AGAP1: variants seen among roughly 807,000 people sequenced by gnomAD.
AGAP1 encodes the protein ArfGAP with GTPase domain, ankyrin repeat and PH domain 1.
In AGAP1, 29 loss-of-function variants were observed where a neutral mutation model predicts 105.3. The observed-to-expected ratio is 0.28, with a 90% CI of 0.21 to 0.38. The LOEUF (loss-of-function observed/expected upper bound fraction) is 0.38, where lower values mean the gene tolerates loss of function less well. Among genes scored for constraint, AGAP1 ranks in the 10% least tolerant of loss-of-function variants. AGAP1 has a pLI of 1.00. For synonymous variants in AGAP1, 509 were observed against 485.9 expected (o/e 1.05, Z -0.63); for missense variants, 998 against 1,165.1 (o/e 0.86, Z 2.09).
intron 1 of AGAP1, among the ~76,000 whole-genome samples, chr2:235,632,452 C>G (rs1249765386): frequency 3.3e-5 from 5 of 152,196 alleles, no homozygotes; most frequent in African/African-American, 9.7e-5. Context: ...ATTACGCTTG[C>G]AGTAGTCAGC....
At chr2:235,758,058 G>T (rs1954078474) in intron 6 of AGAP1, among the ~76,000 whole-genome samples, 1 of 152,016 alleles carries the variant, frequency 6.6e-6, no homozygotes, top group African/African-American at 2.4e-5. Context: ...CATTGTCGGG[G>T]TGGCCTGTTT....
chr2:235,890,137 G>T (rs866010082), intron 10 of AGAP1, among the ~76,000 whole-genome samples: 2 of 150,578 alleles, frequency 1.3e-5, no homozygotes, highest in Non-Finnish European at 1.5e-5. Context: ...AGGAAGTGAT[G>T]GTAGATTTCC....
chr2:235,622,739 G>A lies in AGAP1; in HGVS notation c.164-86440G>A, dbSNP rs7580873. Among the ~76,000 whole-genome samples, 3,103 of 151,992 alleles carry A rather than the reference G, an allele frequency of 0.02. 103 individuals carry two copies. Among genetic ancestry groups the A allele is most frequent in the African/African-American group, 0.07 (2,875 of 41,346 alleles). On this transcript the variant is annotated intron_variant, in intron 1 of 17. Coordinates refer to ENST00000304032, the MANE Select transcript of AGAP1 (RefSeq NM_001037131.3). This position sits in a 1 kb window ranked among gnomAD's most constrained non-coding sequence, Gnocchi z 5.0. ...TAGCTAATGTTTGTAGCGCGCTCAC[G>A]TATGCCAGACTCTTCTTAGCGCTAA...
chr2:235,789,567 T>G lies in AGAP1; in HGVS notation c.674-8192T>G, dbSNP rs1380024546. Among the ~76,000 whole-genome samples, 1 of 152,204 alleles carries G rather than the reference T, an allele frequency of 6.6e-6. No individual in the cohort carries two copies. The highest frequency in any genetic ancestry group is 6.5e-5 in the Admixed American group (1 of 15,274). On this transcript the variant is annotated intron_variant, in intron 6 of 17. Coordinates refer to ENST00000304032, the MANE Select transcript of AGAP1 (RefSeq NM_001037131.3). The surrounding 1 kb of genome is among the most constrained non-coding windows in gnomAD (Gnocchi z 4.2). ...ACTTAAAAGCTTCACTAGAAGAAAT[T>G]TAAGCAAGCTTGGCTTTTTAACCAC...
intron 3 of AGAP1, among the ~76,000 whole-genome samples, chr2:235,738,662 AT>A (rs1952396149): frequency 6.6e-6 from 1 of 151,670 alleles, no homozygotes; most frequent in South Asian, 2.1e-4. Context: ...GGTTCAAGCA[AT>A]TCTCCTGTCT....
rs2056435889 is a variant in AGAP1, at chr2:236,009,472, G to A, written c.1646-27089G>A. 6.6e-6 allele frequency among the ~76,000 whole-genome samples: 1 copy of A among 152,226 alleles called. No homozygotes were observed. Among genetic ancestry groups the A allele is most frequent in the Admixed American group, 6.5e-5 (1 of 15,286 alleles). ...AGCAGAGACGCTCCCCTCTGCAACAGTGACATTTATACTGATGGCGTCTTT... is the reference window on the plus strand; with the variant it reads ...AGCAGAGACGCTCCCCTCTGCAACAATGACATTTATACTGATGGCGTCTTT... On this transcript the variant is annotated intron_variant, in intron 13 of 17. Transcript: ENST00000304032. This position sits in a 1 kb window ranked among gnomAD's most constrained non-coding sequence, Gnocchi z 4.2.
intron 1 of AGAP1, among the ~76,000 whole-genome samples, chr2:235,685,386 G>C (rs1949325851): frequency 6.6e-6 from 1 of 151,662 alleles, no homozygotes; most frequent in Non-Finnish European, 1.5e-5. Context: ...TCCCCCTCCT[G>C]TGTGGCTGCC....
chr2:235,568,512 T>C (rs1293211753), intron 1 of AGAP1, among the ~76,000 whole-genome samples: 1 of 152,132 alleles, frequency 6.6e-6, no homozygotes, highest in Non-Finnish European at 1.5e-5. Flanking sequence ...ATGCGTGGGA[T>C]GGACATGGAC....
chr2:235,872,700 C>T lies in AGAP1; in HGVS notation c.1051-10645C>T, dbSNP rs1002088898. On this transcript the variant is annotated intron_variant, in intron 9 of 17. Transcript: ENST00000304032. This position sits in a 1 kb window ranked among gnomAD's most constrained non-coding sequence, Gnocchi z 4.5. The stretch of plus-strand genomic sequence containing the variant: ...TTGAACATAGAGGAGGCTGTCTGCG[C>T]GCTCAGCCCAGACCAGTGGGGGCCA... Among the ~76,000 whole-genome samples the T allele has an allele frequency of 1.3e-5, 2 of 152,314 alleles. No individual in the cohort carries two copies. The highest frequency in any genetic ancestry group is 2.4e-5 in the African/African-American group (1 of 41,564).
intron 9 of AGAP1, among the ~76,000 whole-genome samples, chr2:235,847,131 A>G (rs954716722): frequency 6.6e-5 from 10 of 152,236 alleles, no homozygotes; most frequent in South Asian, 2.1e-4. Context: ...TAGAGGCTTA[A>G]AGGTAGAACA....
chr2:236,114,667 GTC>G lies in AGAP1; in HGVS notation c.2115-5522_2115-5521del, dbSNP rs2059726663. 1.3e-5 allele frequency among the ~76,000 whole-genome samples: 2 copies of G among 152,276 alleles called. No homozygotes were observed. The highest frequency in any genetic ancestry group is 4.1e-4 in the South Asian group (2 of 4,826). Reference sequence around the variant, plus strand: ...TCAGAGGGAGAGAGACATCACCAGTGTCTCGTCCTCTTATACGGGCACCTGGC... The same window carrying G: ...TCAGAGGGAGAGAGACATCACCAGTGTCGTCCTCTTATACGGGCACCTGGC... On this transcript the variant is annotated intron_variant, in intron 16 of 17. Transcript: ENST00000304032. The surrounding 1 kb of genome is among the most constrained non-coding windows in gnomAD (Gnocchi z 5.0).
intron 16 of AGAP1, among the ~76,000 whole-genome samples, chr2:236,074,251 G>A (rs1486134422): frequency 1.3e-5 from 2 of 152,160 alleles, no homozygotes; most frequent in African/African-American, 4.8e-5. Context: ...CCTCTGCAAG[G>A]GAGAGGCTAA....
intron 1 of AGAP1, among the ~76,000 whole-genome samples, chr2:235,510,989 TG>T (rs952073611): frequency 4.4e-5 from 1 of 22,614 alleles, no homozygotes; most frequent in Admixed American, 3.9e-4. Context: ...AGGTGCTGGG[TG>T]GGGGGGCGGG....
intron 9 of AGAP1, among the ~76,000 whole-genome samples, chr2:235,861,849 T>G (rs2048939177): frequency 6.6e-6 from 1 of 152,246 alleles, no homozygotes; most frequent in Admixed American, 6.5e-5. Flanking sequence ...AACTTGGCAT[T>G]TCCTTAAATG....
At chr2:235,955,315 G>T (rs897121756) in intron 12 of AGAP1, among the ~76,000 whole-genome samples, 1 of 152,154 alleles carries the variant, frequency 6.6e-6, no homozygotes, top group South Asian at 2.1e-4. Flanking sequence ...CACGTGGGCA[G>T]GGTGGGAGCT....
intron 9 of AGAP1, among the ~76,000 whole-genome samples, chr2:235,809,367 C>T (rs1201549178): frequency 3.3e-5 from 5 of 152,114 alleles, no homozygotes; most frequent in African/African-American, 1.2e-4. Context: ...TCTGATTTCC[C>T]GGTGACTCCT....
At chr2:235,920,182 T>C (rs1000098894) in intron 11 of AGAP1, among the ~76,000 whole-genome samples, 6 of 152,204 alleles carry the variant, frequency 3.9e-5, no homozygotes, top group Non-Finnish European at 8.8e-5. Flanking sequence ...TGTAGAACTG[T>C]GTGGCTGGAG....
chr2:235,962,066 T>G lies in AGAP1; in HGVS notation c.1484-6396T>G, dbSNP rs1339989849. Among the ~76,000 whole-genome samples, 1 of 120,134 alleles carries G rather than the reference T, an allele frequency of 8.3e-6. No individual in the cohort carries two copies. Among genetic ancestry groups the G allele is most frequent in the African/African-American group, 6.2e-5 (1 of 16,002 alleles). 78.8% of individuals were successfully genotyped at this position (120,134 alleles called of 152,430 possible). A position where few individuals can be genotyped will look rare whatever the true frequency, so the allele number is the denominator to read the frequency against. ...TTTTTGGTTTTGTTTTGTTTTGTTT[T>G]GTTTTGTTTTGTTTTGTTTCAGTGA... On this transcript the variant is annotated intron_variant, in intron 12 of 17. Transcript: ENST00000304032. The surrounding 1 kb of genome is among the most constrained non-coding windows in gnomAD (Gnocchi z 5.3).
chr2:235,704,209 C>T (rs1710819), intron 1 of AGAP1, among the ~76,000 whole-genome samples: 42,999 of 152,158 alleles, frequency 0.28, 7,740 homozygotes, highest in Non-Finnish European at 0.39. Flanking sequence ...CACTTTCTGC[C>T]CATGGCAACC....
Sources: gnomAD v4.1 joint callset for allele counts (sites outside exome capture counted in the v4.1 genomes callset) on GRCh38, gnomAD v4.1.1 for gene constraint, Gnocchi (gnomAD v3.1) non-coding constraint, MANE v1.5 for transcripts, NCBI Gene and HGNC (gene_info 2026-07-23, HGNC 2026-07-21) for gene names.